Variants in FYTTD1 observed in about 807,000 individuals in gnomAD.
The protein encoded by FYTTD1 is forty-two-three domain containing 1.
A neutral mutation model predicts 40.9 loss-of-function variants in FYTTD1; 22 were observed. The ratio of observed to expected loss-of-function variants is 0.54; its 90% CI spans 0.38 to 0.77. The LOEUF (loss-of-function observed/expected upper bound fraction) is 0.77. FYTTD1 is among the 30% of genes least tolerant of loss of function. The probability of loss-of-function intolerance (pLI) is 0.00; values close to 1 mark genes in which losing one functional copy is unlikely to be tolerated. For synonymous variants in FYTTD1, 140 were observed against 137.9 expected (o/e 1.01, Z -0.10); for missense variants, 351 against 392.2 (o/e 0.90, Z 0.89).
chr3:197,774,902 A>G lies in FYTTD1; in HGVS notation c.656+692A>G, dbSNP rs187059536. On this transcript the variant is annotated intron_variant, in intron 6 of 8. Coordinates refer to ENST00000241502, the MANE Select transcript of FYTTD1 (RefSeq NM_032288.7). The stretch of plus-strand genomic sequence containing the variant: ...CGGGCTATGGAGACTGTCTCCAAAA[A>G]AATTTTTAAACATTGAGGCTAAAAT... Among the ~76,000 whole-genome samples the G allele has an allele frequency of 2.3e-4, 35 of 152,366 alleles. 1 individual carries two copies. The highest frequency in any genetic ancestry group is 2.0e-4 in the Admixed American group (3 of 15,304).
At chr3:197,752,754 A>G (rs1580442796) in intron 1 of FYTTD1, among the ~76,000 whole-genome samples, 1 of 151,808 alleles carries the variant, frequency 6.6e-6, no homozygotes, top group Admixed American at 6.6e-5. Context: ...CACTATATAT[A>G]TGTGTGTATG....
chr3:197,766,461 T>TGTGTGTGTG (rs1171406063), intron 2 of FYTTD1, among the ~76,000 whole-genome samples: 2 of 25,874 alleles, frequency 7.7e-5, no homozygotes, highest in Non-Finnish European at 9.5e-5. Flanking sequence ...GTGTGTGTGT[T>TGTGTGTGTG]TGAGACAGGG....
rs183906038 is a variant in FYTTD1 at position 197,762,582 on chromosome 3, C to G, written c.236-5857C>G. Among the ~76,000 whole-genome samples, 362 of 133,616 alleles carry G rather than the reference C, an allele frequency of 2.7e-3. 2 individuals are homozygous for G. The highest frequency in any genetic ancestry group is 9.4e-3 in the African/African-American group (333 of 35,288). 87.7% of individuals were successfully genotyped at this position (133,616 alleles called of 152,430 possible). A position where few individuals can be genotyped will look rare whatever the true frequency, so the allele number is the denominator to read the frequency against. On this transcript the variant is annotated intron_variant, in intron 2 of 8. Transcript: ENST00000241502. ...CCACCCTGGGTGACAGAGCGAGACTCTGTCTCAAACATAAAAAAGGCCGGG... is the reference window on the plus strand; with the variant it reads ...CCACCCTGGGTGACAGAGCGAGACTGTGTCTCAAACATAAAAAAGGCCGGG...
Position 197,750,015 on chromosome 3 carries a change from C to T in FYTTD1, c.44C>T (p.Ser15Phe), listed in dbSNP as rs773349004. Reference protein sequence around the residue: ...GTRLVGATATSSPPPKARSNE... With the variant: ...GTRLVGATATFSPPPKARSNE... ...CGGTTGGTGGGAGCCACGGCGACTT[C>T]TTCGCCGCCGCCGAAGGCCCGCAGC... Residue 15 changes from serine (S) to phenylalanine (F), a missense_variant, in exon 1 of 9, where the codon TCT becomes TTT. Coordinates refer to ENST00000241502, the MANE Select transcript of FYTTD1 (RefSeq NM_032288.7). 2.5e-6 allele frequency: 4 copies of T among 1,585,304 alleles called. No individual in the cohort carries two copies. Among genetic ancestry groups the T allele is most frequent in the Middle Eastern group, 1.7e-4 (1 of 5,980 alleles).
In FYTTD1 at chr3:197,750,107, G is replaced by T. The variant is rs147513449; in HGVS notation, c.103+33G>T. On this transcript the variant is annotated intron_variant, in intron 1 of 8. Coordinates refer to ENST00000241502, the MANE Select transcript of FYTTD1 (RefSeq NM_032288.7). ...GCCGAGTTGGACCGAGTTGGAGTGCGGGGGAGGGCGCGGGTGGAAGCCGGC... is the reference window on the plus strand; with the variant it reads ...GCCGAGTTGGACCGAGTTGGAGTGCTGGGGAGGGCGCGGGTGGAAGCCGGC... The T allele has an allele frequency of 9.5e-6, 14 of 1,480,974 alleles. No individual in the cohort carries two copies. In the African/African-American group the frequency reaches 1.9e-4, roughly 20 times the overall value. 91.7% of individuals were successfully genotyped at this position (1,480,974 alleles called of 1,614,324 possible). A position where few individuals can be genotyped will look rare whatever the true frequency, so the allele number is the denominator to read the frequency against.
In FYTTD1 at chr3:197,756,415, C is replaced by T. The variant is rs368476639; in HGVS notation, c.104-11C>T. On this transcript the variant is annotated splice_polypyrimidine_tract_variant and intron_variant, in intron 1 of 8. Transcript: ENST00000241502. Reference sequence around the variant, plus strand: ...TTAAAATGAAAATAATTGACATTTCCTCTATCATAGATGATATCATCAAGT... The same window carrying T: ...TTAAAATGAAAATAATTGACATTTCTTCTATCATAGATGATATCATCAAGT... 1.3e-6 allele frequency: 2 copies of T among 1,589,566 alleles called. No homozygotes were observed. Among genetic ancestry groups the T allele is most frequent in the Non-Finnish European group, 1.7e-6 (2 of 1,159,326 alleles).
intron 2 of FYTTD1, among the ~76,000 whole-genome samples, chr3:197,766,239 A>G (rs563056548): frequency 6.6e-6 from 1 of 152,258 alleles, no homozygotes; most frequent in East Asian, 1.9e-4. Context: ...TCTTCAGAAA[A>G]TAATCATGGA....
At chr3:197,773,785 C>A (rs538238006) in intron 5 of FYTTD1, among the ~76,000 whole-genome samples, 4 of 152,212 alleles carry the variant, frequency 2.6e-5, no homozygotes, top group Non-Finnish European at 5.9e-5. Context: ...GCCAGAATAG[C>A]GTGGGCCCCT....
chr3:197,754,607 A>G (rs571533860), intron 1 of FYTTD1, among the ~76,000 whole-genome samples: 1 of 149,418 alleles, frequency 6.7e-6, no homozygotes, highest in Admixed American at 6.7e-5. Flanking sequence ...TTTCTCAATT[A>G]TGAAATAATA....
At chr3:197,778,496 C>A (rs775688006) in intron 8 of FYTTD1, 32 bp downstream of exon 8, 5 of 1,492,568 alleles carry the variant, frequency 3.3e-6, no homozygotes, top group South Asian at 1.2e-5. Flanking sequence ...TTTCTTGGGT[C>A]ATTTGCTGAG....
At position 197,777,994 on chromosome 3, in the gene FYTTD1, G is replaced by A. The variant is rs115267137; in HGVS notation, c.732-344G>A. Among the ~76,000 whole-genome samples, 1,003 of 152,252 alleles carry A rather than the reference G, an allele frequency of 6.6e-3. 9 individuals carry two copies. The highest frequency in any genetic ancestry group is 0.023 in the African/African-American group (944 of 41,544). ...CCCAAAGTACCGGGATTATAGGCCC[G>A]AGCCACAGTGCCTAGCCCTCCAGCC... On this transcript the variant is annotated intron_variant, in intron 7 of 8. Coordinates refer to ENST00000241502, the MANE Select transcript of FYTTD1 (RefSeq NM_032288.7).
In FYTTD1 at chr3:197,783,051, AT is replaced by A; in HGVS notation, c.*1143del. The stretch of plus-strand genomic sequence containing the variant: ...GTTGTTTACCTTTCACTGATTTCTT[AT>A]ATGGTATAAATTAAAGTTCAGGCAT... On this transcript the variant is annotated 3_prime_UTR_variant, in exon 9 of 9. Coordinates refer to ENST00000241502, the MANE Select transcript of FYTTD1 (RefSeq NM_032288.7). 1 of 152,728 alleles carries A rather than the reference AT, an allele frequency of 6.5e-6. No individual in the cohort carries two copies. The highest frequency in any genetic ancestry group is 1.5e-5 in the Non-Finnish European group (1 of 68,038). The allele number at this position is 152,728 out of a possible 1,614,324, so 9.5% of individuals were successfully genotyped here.
chr3:197,780,026 G>A (rs370810861), intron 8 of FYTTD1, among the ~76,000 whole-genome samples: 1 of 136,282 alleles, frequency 7.3e-6, no homozygotes, highest in South Asian at 2.4e-4. Context: ...CCACACCTGG[G>A]GATGCAGGCA....
chr3:197,760,948 G>GA (rs1480983057), intron 2 of FYTTD1, among the ~76,000 whole-genome samples: 2 of 146,232 alleles, frequency 1.4e-5, no homozygotes, highest in East Asian at 2.0e-4. Context: ...AGAATGTATA[G>GA]AGTGTTCTTC....
At position 197,786,016 on chromosome 3, in the gene FYTTD1, G is replaced by A. The variant is rs539044302; in HGVS notation, c.*4107G>A. The A allele has an allele frequency of 6.6e-6, 1 of 150,690 alleles. No homozygotes were observed. The highest frequency in any genetic ancestry group is 2.1e-4 in the South Asian group (1 of 4,784). The allele number at this position is 150,690 out of a possible 1,614,324, so 9.3% of individuals were successfully genotyped here. A position where few individuals can be genotyped will look rare whatever the true frequency, so the allele number is the denominator to read the frequency against. On this transcript the variant is annotated 3_prime_UTR_variant, in exon 9 of 9. Coordinates refer to ENST00000241502, the MANE Select transcript of FYTTD1 (RefSeq NM_032288.7). Reference sequence around the variant, plus strand: ...TGTGGACTATGGTGGACCATTAATAGGGATTTAAAGATTTACTTAGAAATT... The same window carrying A: ...TGTGGACTATGGTGGACCATTAATAAGGATTTAAAGATTTACTTAGAAATT...
Position 197,770,163 on chromosome 3 carries a change from G to A in FYTTD1, c.416G>A (p.Arg139Lys). 2 of 1,611,372 alleles carry A rather than the reference G, an allele frequency of 1.2e-6. No individual in the cohort carries two copies. The highest frequency in any genetic ancestry group is 1.7e-6 in the Non-Finnish European group (2 of 1,178,136). ...GAACAATATTTTCCAGTGTTAAAAA[G>A]GAAGGCAAACCTTCTGAGACAAAAT... ...NIEQYFPVLK[R>K]KANLLRQNEG... is the part of the protein sequence containing the mutation. Residue 139 changes from arginine to lysine, a missense_variant, in exon 4 of 9, where the codon AGG becomes AAG. Arg to Lys is a conservative substitution (Grantham distance 26). Transcript: ENST00000241502.
chr3:197,769,990 C>G (rs1431026904), intron 3 of FYTTD1, 142 bp from the exon 4 acceptor site: 2 of 613,734 alleles, frequency 3.3e-6, no homozygotes, highest in Admixed American at 6.1e-5. Context: ...TGTACAGTTT[C>G]AAGTTGTTTG....
At chr3:197,752,170 T>A (rs1729078976) in intron 1 of FYTTD1, among the ~76,000 whole-genome samples, 1 of 152,178 alleles carries the variant, frequency 6.6e-6, no homozygotes, top group Non-Finnish European at 1.5e-5. Flanking sequence ...GGCCAGCATT[T>A]TATATATTAA....
Position 197,785,944 on chromosome 3 carries a change from T to C in FYTTD1, c.*4035T>C, listed in dbSNP as rs1186473962. 1 of 151,834 alleles carries C rather than the reference T, an allele frequency of 6.6e-6. No homozygotes were observed. The highest frequency in any genetic ancestry group is 2.4e-5 in the African/African-American group (1 of 41,362). The allele number at this position is 151,834 out of a possible 1,614,324, so 9.4% of individuals were successfully genotyped here. The stretch of plus-strand genomic sequence containing the variant: ...TCAATTTGGAACTAGCTTCTTTTTT[T>C]TTTTTTTAAATGATACTTCAGTAAA... On this transcript the variant is annotated 3_prime_UTR_variant, in exon 9 of 9. Coordinates refer to ENST00000241502, the MANE Select transcript of FYTTD1 (RefSeq NM_032288.7).
Sources: allele counts gnomAD v4.1 joint callset (sites outside exome capture counted in the v4.1 genomes callset), GRCh38; gene constraint gnomAD v4.1.1; transcripts MANE v1.5; gene names NCBI Gene and HGNC (gene_info 2026-07-23, HGNC 2026-07-21).